ARHGAP15: variants seen among roughly 807,000 people sequenced by gnomAD.
ARHGAP15 encodes the protein Rho GTPase activating protein 15, also known as rho GTPase-activating protein 15.
In ARHGAP15, 51 loss-of-function variants were observed where a neutral mutation model predicts 63.7. The ratio of observed to expected loss-of-function variants is 0.80; its 90% CI spans 0.64 to 1.01. ARHGAP15 has a LOEUF of 1.01. ARHGAP15 is among the 50% of genes least tolerant of loss of function. The pLI is 0.00. For synonymous variants in ARHGAP15, 191 were observed against 193.8 expected (o/e 0.99, Z 0.12); for missense variants, 560 against 564.6 (o/e 0.99, Z 0.08).
chr2:143,301,147 T>C (rs1558876446), intron 6 of ARHGAP15, among the ~76,000 whole-genome samples: 1 of 151,938 alleles, frequency 6.6e-6, no homozygotes, highest in East Asian at 1.9e-4. Flanking sequence ...AAGTGTTATA[T>C]CTAATACCCA....
At chr2:143,521,107 T>C (rs1694047519) in intron 10 of ARHGAP15, among the ~76,000 whole-genome samples, 1 of 152,192 alleles carries the variant, frequency 6.6e-6, no homozygotes, top group South Asian at 2.1e-4. Flanking sequence ...GTGTTTACTC[T>C]TAAAATGAAT....
intron 6 of ARHGAP15, among the ~76,000 whole-genome samples, chr2:143,289,011 G>A (rs574527845): frequency 6.6e-6 from 1 of 152,184 alleles, no homozygotes; most frequent in African/African-American, 2.4e-5. Context: ...ACCACCGACA[G>A]TAAGGTTCAG....
At chr2:143,463,029 A>T (rs1691027643) in intron 8 of ARHGAP15, among the ~76,000 whole-genome samples, 1 of 152,144 alleles carries the variant, frequency 6.6e-6, no homozygotes, top group Non-Finnish European at 1.5e-5. Context: ...CTTTGAATGC[A>T]GCCCAACACA....
chr2:143,163,280 T>A (rs1192626156), intron 2 of ARHGAP15, among the ~76,000 whole-genome samples: 1 of 151,908 alleles, frequency 6.6e-6, no homozygotes, highest in Non-Finnish European at 1.5e-5. Flanking sequence ...GCTTGTGTGA[T>A]GGCACAATAA....
At chr2:143,397,831 G>A (rs1329860226) in intron 6 of ARHGAP15, among the ~76,000 whole-genome samples, 1 of 152,044 alleles carries the variant, frequency 6.6e-6, no homozygotes, top group Non-Finnish European at 1.5e-5. Context: ...AATATTTGGA[G>A]TAGTCCTCTT....
At chr2:143,639,520 G>C (rs1680505035) in intron 12 of ARHGAP15, among the ~76,000 whole-genome samples, 1 of 152,098 alleles carries the variant, frequency 6.6e-6, no homozygotes, top group African/African-American at 2.4e-5. Context: ...TGTTAGCTAA[G>C]AGCACCTATT....
At chr2:143,715,919 C>G (rs1477068048) in intron 13 of ARHGAP15, among the ~76,000 whole-genome samples, 1 of 152,046 alleles carries the variant, frequency 6.6e-6, no homozygotes, top group African/African-American at 2.4e-5. Flanking sequence ...AGAAGGGGTC[C>G]AGTTTCAATT....
chr2:143,646,718 A>T (rs1680897115), intron 12 of ARHGAP15, among the ~76,000 whole-genome samples: 1 of 152,012 alleles, frequency 6.6e-6, no homozygotes, highest in Non-Finnish European at 1.5e-5. Context: ...ACCCTCATTT[A>T]TCTATGAGAC....
At chr2:143,142,581 T>C (rs1166678901) in intron 1 of ARHGAP15, among the ~76,000 whole-genome samples, 1 of 152,132 alleles carries the variant, frequency 6.6e-6, no homozygotes, top group African/African-American at 2.4e-5. Context: ...CAACTGTTAT[T>C]TTTGAATCGC....
At chr2:143,310,655 A>G (rs1485750199) in intron 6 of ARHGAP15, among the ~76,000 whole-genome samples, 1 of 152,038 alleles carries the variant, frequency 6.6e-6, no homozygotes, top group Non-Finnish European at 1.5e-5. Flanking sequence ...TAACACAGTT[A>G]TTTATATAAA....
At chr2:143,451,495 A>C (rs1174074483) in intron 8 of ARHGAP15, among the ~76,000 whole-genome samples, 3 of 152,018 alleles carry the variant, frequency 2.0e-5, no homozygotes, top group African/African-American at 7.2e-5. Flanking sequence ...TTGTCATCAG[A>C]TCCCAAATCC....
intron 8 of ARHGAP15, among the ~76,000 whole-genome samples, chr2:143,460,200 A>G (rs1468709626): frequency 6.6e-6 from 1 of 152,108 alleles, no homozygotes; most frequent in Non-Finnish European, 1.5e-5. Flanking sequence ...CACAATTGTG[A>G]TGGATGATGA....
Position 143,755,029 on chromosome 2 carries a change from G to C in ARHGAP15, c.1245-12960G>C, listed in dbSNP as rs16822998. Among the ~76,000 whole-genome samples, 959 of 152,230 alleles carry C rather than the reference G, an allele frequency of 6.3e-3. 12 individuals are homozygous for C. The highest frequency in any genetic ancestry group is 0.022 in the African/African-American group (916 of 41,532). On this transcript the variant is annotated intron_variant, in intron 13 of 13. Transcript: ENST00000295095. ...TGTACAAGGAAGGGTAGAGAAGAAG[G>C]CTCAGTCATTATCTACTATCTCATC...
intron 11 of ARHGAP15, among the ~76,000 whole-genome samples, chr2:143,566,840 A>G (rs1377629457): frequency 1.3e-5 from 2 of 150,954 alleles, no homozygotes; most frequent in South Asian, 4.2e-4. Context: ...CTTTCCCAGT[A>G]TCGTGTTTTC....
At chr2:143,542,703 AAT>A (rs1279593350) in intron 10 of ARHGAP15, among the ~76,000 whole-genome samples, 2 of 136,710 alleles carry the variant, frequency 1.5e-5, no homozygotes, top group South Asian at 4.4e-4. Flanking sequence ...TCACATATAT[AAT>A]ATATATGATA....
chr2:143,447,123 AG>A (rs1410128649), intron 8 of ARHGAP15, among the ~76,000 whole-genome samples: 1 of 152,148 alleles, frequency 6.6e-6, no homozygotes, highest in Non-Finnish European at 1.5e-5. Context: ...CATGATTTAT[AG>A]TCCTTTGGGT....
At chr2:143,221,084 T>C (rs1692978338) in intron 4 of ARHGAP15, among the ~76,000 whole-genome samples, 1 of 152,146 alleles carries the variant, frequency 6.6e-6, no homozygotes, top group Admixed American at 6.5e-5. Flanking sequence ...TGAGCAAAAA[T>C]GGTCCTCTTA....
intron 6 of ARHGAP15, among the ~76,000 whole-genome samples, chr2:143,350,673 A>G (rs1277941730): frequency 1.3e-5 from 2 of 149,326 alleles, no homozygotes; most frequent in African/African-American, 2.5e-5. Flanking sequence ...AAAAAAAAAA[A>G]AAAAAGAAAG....
chr2:143,412,013 A>G (rs1688468152), intron 6 of ARHGAP15, among the ~76,000 whole-genome samples: 1 of 152,206 alleles, frequency 6.6e-6, no homozygotes, highest in Non-Finnish European at 1.5e-5. Context: ...AGAGGGGTCA[A>G]TATGATAGGC....
Sources: gnomAD v4.1 joint callset for allele counts (sites outside exome capture counted in the v4.1 genomes callset) on GRCh38, gnomAD v4.1.1 for gene constraint, MANE v1.5 for transcripts, NCBI Gene and HGNC (gene_info 2026-07-23, HGNC 2026-07-21) for gene names.